WDR70: variants seen among roughly 807,000 people sequenced by gnomAD.
WDR70 encodes WD repeat-containing protein 70.
In WDR70, 53 loss-of-function variants were observed where a neutral mutation model predicts 88.6. The ratio of observed to expected loss-of-function variants is 0.60; its 90% CI spans 0.48 to 0.75. The LOEUF is 0.75. Ranked by LOEUF, WDR70 falls within the 30% of genes least tolerant of loss-of-function variation. The pLI, the probability that WDR70 is intolerant of heterozygous loss-of-function variation, is 0.00. For synonymous variants in WDR70, 280 were observed against 270.0 expected, an observed-to-expected ratio of 1.04 and a Z score of -0.36; for missense variants, 610 against 823.2, an observed-to-expected ratio of 0.74 and a Z score of 3.17.
intron 17 of WDR70, among the ~76,000 whole-genome samples, chr5:37,732,079 G>A (rs1748160675): frequency 6.6e-6 from 1 of 152,042 alleles, no homozygotes; most frequent in Non-Finnish European, 1.5e-5. Flanking sequence ...GTAAAAACAA[G>A]CAAAAGAAAT....
intron 8 of WDR70, among the ~76,000 whole-genome samples, chr5:37,491,710 C>G (rs765981039): frequency 6.6e-6 from 1 of 152,030 alleles, no homozygotes; most frequent in Non-Finnish European, 1.5e-5. Context: ...TTAGTCATGT[C>G]TTTTTACTGG....
intron 8 of WDR70, among the ~76,000 whole-genome samples, chr5:37,504,576 A>T (rs1027831003): frequency 2.6e-5 from 4 of 152,230 alleles, no homozygotes; most frequent in East Asian, 3.8e-4. Flanking sequence ...ATGGAAATAG[A>T]TTATCTCTCA....
At chr5:37,570,407 GT>G (rs1235947929) in intron 9 of WDR70, among the ~76,000 whole-genome samples, 1 of 152,096 alleles carries the variant, frequency 6.6e-6, no homozygotes, top group Non-Finnish European at 1.5e-5. Flanking sequence ...AAGATAGCTA[GT>G]TTTTTGCCTC....
At chr5:37,402,935 C>T (rs1448213209) in intron 5 of WDR70, among the ~76,000 whole-genome samples, 3 of 138,488 alleles carry the variant, frequency 2.2e-5, no homozygotes, top group Non-Finnish European at 4.5e-5. Flanking sequence ...TCCTTCCCTC[C>T]CTCCCTCCGT....
At chr5:37,537,964 G>A (rs1348495512) in intron 9 of WDR70, among the ~76,000 whole-genome samples, 1 of 152,136 alleles carries the variant, frequency 6.6e-6, no homozygotes, top group African/African-American at 2.4e-5. Context: ...TTCAGTGAGG[G>A]CCTTTGGGCA....
chr5:37,433,673 C>G (rs1750383251), intron 5 of WDR70, among the ~76,000 whole-genome samples: 1 of 152,146 alleles, frequency 6.6e-6, no homozygotes, highest in Non-Finnish European at 1.5e-5. Flanking sequence ...TTATATTATT[C>G]TCTCCTGGAT....
At chr5:37,384,060 T>G (rs1281913765) in intron 3 of WDR70, among the ~76,000 whole-genome samples, 1 of 152,092 alleles carries the variant, frequency 6.6e-6, no homozygotes, top group African/African-American at 2.4e-5. Context: ...TTTTTGTATA[T>G]ACCTTAAAAC....
intron 9 of WDR70, among the ~76,000 whole-genome samples, chr5:37,554,061 G>A (rs1189136777): frequency 6.7e-6 from 1 of 149,560 alleles, no homozygotes; most frequent in East Asian, 2.0e-4. Flanking sequence ...GATCCATTTG[G>A]TTAATTAATT....
chr5:37,741,151 A>C (rs1300923065), intron 17 of WDR70, among the ~76,000 whole-genome samples: 1 of 151,594 alleles, frequency 6.6e-6, no homozygotes, highest in African/African-American at 2.4e-5. Context: ...TCTAGGTTGG[A>C]GGCTAAGGCC....
intron 10 of WDR70, among the ~76,000 whole-genome samples, chr5:37,670,450 A>G (rs932440136): frequency 2.0e-5 from 3 of 152,362 alleles, no homozygotes; most frequent in South Asian, 4.1e-4. Context: ...GATACAAAGT[A>G]TAGAGAAACA....
At chr5:37,422,231 T>G (rs1375544894) in intron 5 of WDR70, among the ~76,000 whole-genome samples, 1 of 152,082 alleles carries the variant, frequency 6.6e-6, no homozygotes, top group African/African-American at 2.4e-5. Flanking sequence ...ACTTCTGAAA[T>G]GTTAATTTTG....
intron 5 of WDR70, among the ~76,000 whole-genome samples, chr5:37,417,240 T>C (rs1282788717): frequency 6.6e-6 from 1 of 152,204 alleles, no homozygotes; most frequent in Non-Finnish European, 1.5e-5. Context: ...TTTTCTTTTT[T>C]TGAGACAGGG....
chr5:37,700,935 C>A (rs1747141404), intron 11 of WDR70, 123 bp from the exon 12 acceptor site: 2 of 595,806 alleles, frequency 3.4e-6, no homozygotes, highest in South Asian at 2.2e-5. Flanking sequence ...CTCTCTTTCT[C>A]CCCTTCCCCT....
chr5:37,463,944 A>G (rs1739087055), intron 7 of WDR70, among the ~76,000 whole-genome samples: 1 of 152,242 alleles, frequency 6.6e-6, no homozygotes, highest in South Asian at 2.1e-4. Flanking sequence ...GACAGAGGGA[A>G]AATGTTAAAA....
intron 6 of WDR70, among the ~76,000 whole-genome samples, chr5:37,441,708 C>T (rs1288014988): frequency 2.0e-5 from 3 of 151,890 alleles, no homozygotes; most frequent in East Asian, 1.9e-4. Flanking sequence ...ATCCCAGCTA[C>T]TTAGGAGGCT....
At chr5:37,492,157 G>A (rs988777073) in intron 8 of WDR70, among the ~76,000 whole-genome samples, 1 of 152,158 alleles carries the variant, frequency 6.6e-6, no homozygotes, top group African/African-American at 2.4e-5. Flanking sequence ...AAAAGACAAA[G>A]CTAGGAGGGA....
At chr5:37,516,657 GT>G in intron 9 of WDR70, 67 bp downstream of exon 9, 2 of 1,068,244 alleles carry the variant, frequency 1.9e-6, no homozygotes, top group Non-Finnish European at 2.7e-6. Context: ...CGTTTGGATT[GT>G]TACAATCTTG....
At chr5:37,579,022 C>T (rs779198163) in intron 9 of WDR70, among the ~76,000 whole-genome samples, 1 of 152,080 alleles carries the variant, frequency 6.6e-6, no homozygotes. Flanking sequence ...ACTGTCTGTT[C>T]CTTGAAGGCA....
In WDR70 at chr5:37,611,796, T is replaced by TAAAAA. The variant is rs77585864; in HGVS notation, c.1092+6563_1092+6567dup. 1.4e-3 allele frequency among the ~76,000 whole-genome samples: 202 copies of TAAAAA among 146,128 alleles called. 1 individual carries two copies. The highest frequency in any genetic ancestry group is 4.5e-3 in the African/African-American group (178 of 39,936). ...TGATTTCAGCCTTTTTTTTTTTTTT[T>TAAAAA]AAAAAAAAACTTCTTTGACATACCA... On this transcript the variant is annotated intron_variant, in intron 10 of 17. Coordinates refer to ENST00000265107, the MANE Select transcript of WDR70 (RefSeq NM_018034.4).
Sources: allele counts gnomAD v4.1 joint callset (sites outside exome capture counted in the v4.1 genomes callset), GRCh38; gene constraint gnomAD v4.1.1; transcripts MANE v1.5; gene names NCBI Gene and HGNC (gene_info 2026-07-23, HGNC 2026-07-21).